LRP1B: variants seen among roughly 807,000 people sequenced by gnomAD.
LRP1B encodes low-density lipoprotein receptor-related protein 1B.
A neutral mutation model predicts 556.6 loss-of-function variants in LRP1B; 217 were observed. The ratio of observed to expected loss-of-function variants is 0.39; its 90% CI spans 0.35 to 0.44. The LOEUF is 0.44. Ranked by LOEUF, LRP1B falls within the 20% of genes least tolerant of loss-of-function variation. The probability of loss-of-function intolerance (pLI) is 1.00; values close to 1 mark genes in which losing one functional copy is unlikely to be tolerated. For missense variants in LRP1B, 5,053 were observed against 5,620.8 expected (o/e 0.90, Z 3.23); for synonymous variants, 2,047 against 1,865.8 (o/e 1.10, Z -2.50).
At chr2:140,849,185 T>A (rs1692363514) in intron 29 of LRP1B, among the ~76,000 whole-genome samples, 1 of 106,620 alleles carries the variant, frequency 9.4e-6, no homozygotes. Flanking sequence ...TGAAACCCTG[T>A]ATCTACTAAA....
chr2:140,929,230 G>A (rs1202767388), intron 20 of LRP1B, among the ~76,000 whole-genome samples: 1 of 152,060 alleles, frequency 6.6e-6, no homozygotes, highest in East Asian at 1.9e-4. Flanking sequence ...GGCTATGTAG[G>A]CAGTTACAAA....
intron 86 of LRP1B, among the ~76,000 whole-genome samples, chr2:140,261,880 TA>T (rs1342981110): frequency 1.3e-5 from 2 of 151,968 alleles, no homozygotes; most frequent in Admixed American, 6.6e-5. Flanking sequence ...TTTTTATTTC[TA>T]AAAAAGTCTG....
At chr2:140,363,848 T>A (rs148146709) in intron 72 of LRP1B, among the ~76,000 whole-genome samples, 2 of 151,648 alleles carry the variant, frequency 1.3e-5, no homozygotes, top group African/African-American at 4.8e-5. Flanking sequence ...CGTACACTCA[T>A]GCTGTATTTT....
At chr2:140,408,022 T>A (rs1360187216) in intron 66 of LRP1B, among the ~76,000 whole-genome samples, 2 of 151,904 alleles carry the variant, frequency 1.3e-5, no homozygotes, top group African/African-American at 2.4e-5. Flanking sequence ...AATAATATAT[T>A]TTGCAGCAAC....
intron 1 of LRP1B, among the ~76,000 whole-genome samples, chr2:141,926,540 C>G (rs529158294): frequency 5.3e-5 from 8 of 152,216 alleles, no homozygotes; most frequent in African/African-American, 1.9e-4. Context: ...GTCACCACTT[C>G]CAACCTATTA....
At chr2:141,843,625 T>C (rs1369740336) in intron 1 of LRP1B, among the ~76,000 whole-genome samples, 1 of 152,162 alleles carries the variant, frequency 6.6e-6, no homozygotes, top group African/African-American at 2.4e-5. Context: ...ATATTTCCTC[T>C]ATGGACTACT....
rs56705231 is a variant in LRP1B, at chr2:141,392,479, A to AG, written c.343+87916_343+87917insC. On this transcript the variant is annotated intron_variant, in intron 3 of 90. Transcript: ENST00000389484. ...CTCTCTTAAAAAAAAAAAAAAAAAA[A>AG]AAGAGAGACTGTCACTCACTAAAAC... Among the ~76,000 whole-genome samples the AG allele has an allele frequency of 6.4e-3, 942 of 147,148 alleles. 13 individuals are homozygous for AG. The highest frequency in any genetic ancestry group is 0.023 in the African/African-American group (885 of 37,678).
intron 20 of LRP1B, among the ~76,000 whole-genome samples, chr2:140,935,937 T>TAC (rs561448262): frequency 2.0e-5 from 3 of 151,840 alleles, no homozygotes; most frequent in Admixed American, 6.6e-5. Flanking sequence ...AGTGTATATA[T>TAC]ACACACACAC....
intron 18 of LRP1B, among the ~76,000 whole-genome samples, chr2:140,953,492 T>C (rs1398318531): frequency 6.6e-6 from 1 of 152,204 alleles, no homozygotes; most frequent in Non-Finnish European, 1.5e-5. Flanking sequence ...AGAATATATT[T>C]GAGGGAAGAC....
intron 41 of LRP1B, among the ~76,000 whole-genome samples, chr2:140,657,417 A>G (rs977383753): frequency 6.6e-6 from 1 of 151,712 alleles, no homozygotes; most frequent in African/African-American, 2.4e-5. Context: ...AGATATATAC[A>G]TTGAATAATA....
At chr2:141,867,863 G>A (rs1698463467) in intron 1 of LRP1B, among the ~76,000 whole-genome samples, 1 of 152,106 alleles carries the variant, frequency 6.6e-6, no homozygotes, top group African/African-American at 2.4e-5. Context: ...GGGGGAATAA[G>A]TTATACAAAT....
At chr2:141,025,959 T>C (rs557531756) in intron 11 of LRP1B, among the ~76,000 whole-genome samples, 61 of 152,184 alleles carry the variant, frequency 4.0e-4, no homozygotes, top group Non-Finnish European at 7.1e-4. Context: ...AAGGGGCATA[T>C]AGATCATTGT....
intron 18 of LRP1B, among the ~76,000 whole-genome samples, chr2:140,960,475 A>G (rs1327555460): frequency 6.6e-6 from 1 of 151,868 alleles, no homozygotes; most frequent in Non-Finnish European, 1.5e-5. Context: ...ATTAAGTGTG[A>G]AGCGTTAGAT....
At chr2:141,369,447 A>C (rs1689151625) in intron 3 of LRP1B, among the ~76,000 whole-genome samples, 1 of 152,084 alleles carries the variant, frequency 6.6e-6, no homozygotes, top group African/African-American at 2.4e-5. Flanking sequence ...GGGCCCCAAA[A>C]ATATCAATGT....
At chr2:141,602,375 A>G (rs1687779307) in intron 2 of LRP1B, among the ~76,000 whole-genome samples, 1 of 152,200 alleles carries the variant, frequency 6.6e-6, no homozygotes, top group Non-Finnish European at 1.5e-5. Context: ...TCAAAGTGTA[A>G]TCCACATATA....
intron 51 of LRP1B, 49 bp downstream of exon 51, chr2:140,514,604 C>A (rs774067230): frequency 2.6e-6 from 4 of 1,544,516 alleles, no homozygotes; most frequent in Non-Finnish European, 3.5e-6. Context: ...AATGATAGAG[C>A]ATATATAATG....
At chr2:141,776,364 G>C (rs905539365) in intron 2 of LRP1B, among the ~76,000 whole-genome samples, 1 of 152,190 alleles carries the variant, frequency 6.6e-6, no homozygotes, top group African/African-American at 2.4e-5. Flanking sequence ...ATTTTGGCGA[G>C]AGCCACTCCA....
In LRP1B at chr2:141,101,655, G is replaced by T. The variant is rs555648880; in HGVS notation, c.1014-39382C>A. 2.6e-5 allele frequency among the ~76,000 whole-genome samples: 4 copies of T among 152,242 alleles called. No individual in the cohort carries two copies. The South Asian group carries it at 8.3e-4, about 32-fold the overall frequency. On this transcript the variant is annotated intron_variant, in intron 7 of 90. Coordinates refer to ENST00000389484, the MANE Select transcript of LRP1B (RefSeq NM_018557.3). The stretch of plus-strand genomic sequence containing the variant: ...TATGAGTGCACAGATATGTTGGTAA[G>T]TAAATGGCAACATGAAAGAAAGATT...
Position 141,062,119 on chromosome 2 carries a change from A to G in LRP1B, c.1168T>C (p.Tyr390His). ...VNKLVYWVDL[Y>H]LDYVGVVDYQ... ...TCCACTACTCCCACATAGTCCAAGT[A>G]AAGATCTACCCAGTAAACCAATTTG... The change falls in exon 8 of 91, where the codon TAC becomes CAC. Residue 390 changes from tyrosine (Y) to histidine (H), a missense_variant. Tyr to His is a moderately conservative substitution (Grantham distance 83, BLOSUM62 2). This residue lies in a region of LRP1B where 3,619 missense variants were observed against 3,931.9 expected (regional missense o/e 0.92). Transcript: ENST00000389484. 2 of 1,612,062 alleles carry G rather than the reference A, an allele frequency of 1.2e-6. No individual in the cohort carries two copies. The highest frequency in any genetic ancestry group is 1.7e-6 in the Non-Finnish European group (2 of 1,178,710).
Sources: allele counts gnomAD v4.1 joint callset (sites outside exome capture counted in the v4.1 genomes callset), GRCh38; gene constraint gnomAD v4.1.1; regional missense constraint gnomAD v4.1.1; transcripts MANE v1.5; gene names NCBI Gene and HGNC (gene_info 2026-07-23, HGNC 2026-07-21).